The following CREB5 variants were observed in gnomAD, a reference collection of about 807,000 sequenced individuals.
The protein encoded by CREB5 is cAMP responsive element binding protein 5, also known as cyclic AMP-responsive element-binding protein 5.
CREB5 carries 19 observed loss-of-function variants against 57.1 expected under a neutral mutation model. The ratio of observed to expected loss-of-function variants is 0.33; its 90% CI spans 0.23 to 0.49. CREB5 has a LOEUF of 0.49. Among genes scored for constraint, CREB5 ranks in the 20% least tolerant of loss-of-function variants. CREB5 has a pLI of 0.99. For missense variants in CREB5, 579 were observed against 671.6 expected, an observed-to-expected ratio of 0.86 and a Z score of 1.52; for synonymous variants, 238 against 238.3, an observed-to-expected ratio of 1.00 and a Z score of 0.01.
At chr7:28,785,569 AG>A (rs1251003166) in intron 7 of CREB5, among the ~76,000 whole-genome samples, 2 of 152,216 alleles carry the variant, frequency 1.3e-5, no homozygotes, top group African/African-American at 4.8e-5. Context: ...TCATTGCTAA[AG>A]TCAGACCTTG....
chr7:28,560,869 C>CACGTGCGTGCGTGCGT (rs1795121121), intron 4 of CREB5, among the ~76,000 whole-genome samples: 1 of 28,604 alleles, frequency 3.5e-5, no homozygotes, highest in Non-Finnish European at 6.1e-5. Flanking sequence ...CGTGTGCCTG[C>CACGTGCGTGCGTGCGT]GTGCGCGTGC....
chr7:28,458,543 C>T (rs968659800), intron 1 of CREB5, among the ~76,000 whole-genome samples: 7 of 152,158 alleles, frequency 4.6e-5, no homozygotes, highest in Non-Finnish European at 8.8e-5. Context: ...GTTATGTAAT[C>T]GCAAATATAG....
At chr7:28,427,324 G>A (rs988261843) in intron 1 of CREB5, among the ~76,000 whole-genome samples, 2 of 152,104 alleles carry the variant, frequency 1.3e-5, no homozygotes, top group African/African-American at 2.4e-5. Flanking sequence ...TCAAAACTAT[G>A]ATTATGCATA....
chr7:28,608,351 C>T (rs994081310), intron 5 of CREB5, among the ~76,000 whole-genome samples: 7 of 152,072 alleles, frequency 4.6e-5, no homozygotes, highest in African/African-American at 1.7e-4. Flanking sequence ...TAAAGGACTT[C>T]AGCAGTAAAA....
intron 7 of CREB5, among the ~76,000 whole-genome samples, chr7:28,795,717 G>T (rs1405747284): frequency 2.0e-5 from 3 of 151,090 alleles, no homozygotes; most frequent in Admixed American, 2.0e-4. Context: ...TTAAATTGAG[G>T]TAGAATCCAC....
At chr7:28,431,660 G>A (rs1329344858) in intron 1 of CREB5, among the ~76,000 whole-genome samples, 1 of 152,164 alleles carries the variant, frequency 6.6e-6, no homozygotes, top group East Asian at 1.9e-4. Flanking sequence ...TTCACAGATT[G>A]ATGTATCCTC....
intron 7 of CREB5, among the ~76,000 whole-genome samples, chr7:28,733,601 A>G (rs1803792905): frequency 6.6e-6 from 1 of 152,154 alleles, no homozygotes; most frequent in African/African-American, 2.4e-5. Context: ...GGCAGGAGCC[A>G]TGCCTTCTTC....
intron 5 of CREB5, among the ~76,000 whole-genome samples, chr7:28,654,088 T>G (rs1040385551): frequency 6.6e-6 from 1 of 152,200 alleles, no homozygotes; most frequent in Non-Finnish European, 1.5e-5. Flanking sequence ...ACATTACACC[T>G]GTGAAGTTCC....
chr7:28,441,407 C>T (rs1426125355), intron 1 of CREB5, among the ~76,000 whole-genome samples: 1 of 152,186 alleles, frequency 6.6e-6, no homozygotes, highest in Non-Finnish European at 1.5e-5. Flanking sequence ...CTGCCATTTG[C>T]TACATCTTTG....
intron 1 of CREB5, among the ~76,000 whole-genome samples, chr7:28,453,958 C>CTTTTTTT (rs70977045): frequency 3.8e-5 from 5 of 132,584 alleles, no homozygotes; most frequent in Non-Finnish European, 3.2e-5. Flanking sequence ...CTCTCCAATT[C>CTTTTTTT]TTTTTTTTTT....
intron 3 of CREB5, among the ~76,000 whole-genome samples, chr7:28,500,841 C>G (rs1461641327): frequency 6.6e-6 from 1 of 152,094 alleles, no homozygotes; most frequent in Admixed American, 6.5e-5. Flanking sequence ...CACACACACA[C>G]GTGACCCATA....
intron 1 of CREB5, among the ~76,000 whole-genome samples, chr7:28,322,283 T>G (rs1785507519): frequency 6.6e-6 from 1 of 152,150 alleles, no homozygotes. Context: ...CTAATTGTTT[T>G]TCTGTTTATT....
intron 1 of CREB5, among the ~76,000 whole-genome samples, chr7:28,441,108 G>C (rs1789168067): frequency 6.6e-6 from 1 of 152,086 alleles, no homozygotes; most frequent in Admixed American, 6.6e-5. Context: ...AGAGTTATTT[G>C]ATGTCCAAGA....
intron 4 of CREB5, among the ~76,000 whole-genome samples, chr7:28,522,390 G>GTTTTTTT (rs11291433): frequency 4.1e-5 from 4 of 97,606 alleles, no homozygotes; most frequent in Admixed American, 1.2e-4. Context: ...CCTGCTCTTT[G>GTTTTTTT]TTTTTTTTTT....
At chr7:28,322,439 A>G (rs117615037) in intron 1 of CREB5, among the ~76,000 whole-genome samples, 4,392 of 152,234 alleles carry the variant, frequency 0.029, 129 homozygotes, top group Admixed American at 0.077. Flanking sequence ...TTTTATTTTA[A>G]AAGTTTTACT....
At chr7:28,679,052 C>CTTTTTTTTTTT (rs56266854) in intron 5 of CREB5, among the ~76,000 whole-genome samples, 10 of 123,860 alleles carry the variant, frequency 8.1e-5, no homozygotes, top group East Asian at 5.0e-4. Context: ...TTTTGTAGTT[C>CTTTTTTTTTTT]TTTTTTTTTT....
At chr7:28,368,179 T>C (rs1786628869) in intron 1 of CREB5, among the ~76,000 whole-genome samples, 1 of 152,128 alleles carries the variant, frequency 6.6e-6, no homozygotes, top group African/African-American at 2.4e-5. Flanking sequence ...CACTTATAAG[T>C]GGGGGCTAAG....
intron 5 of CREB5, among the ~76,000 whole-genome samples, chr7:28,585,329 C>T (rs964537665): frequency 2.6e-5 from 4 of 152,178 alleles, no homozygotes; most frequent in African/African-American, 9.7e-5. Context: ...AAGGAAAGGA[C>T]ACCAGGGACT....
chr7:28,739,218 C>T (rs1804201815), intron 7 of CREB5, among the ~76,000 whole-genome samples: 2 of 152,124 alleles, frequency 1.3e-5, no homozygotes, highest in Non-Finnish European at 2.9e-5. Flanking sequence ...GTTTTAAATA[C>T]ATGAAGATAA....
Sources: gnomAD v4.1 joint callset for allele counts (sites outside exome capture counted in the v4.1 genomes callset) on GRCh38, gnomAD v4.1.1 for gene constraint, MANE v1.5 for transcripts, NCBI Gene and HGNC (gene_info 2026-07-23, HGNC 2026-07-21) for gene names.